TTN: variants seen among roughly 807,000 people sequenced by gnomAD.
TTN encodes the protein titin, also known as connectin.
In TTN, 1,525 loss-of-function variants were observed where a neutral mutation model predicts 3,223.0. That is an observed-to-expected ratio of 0.47 (90% CI 0.45 to 0.49). TTN has a LOEUF of 0.49. Among genes scored for constraint, TTN ranks in the 20% least tolerant of loss-of-function variants. The pLI is 0.00. For missense variants in TTN, 40,786 were observed against 43,424.0 expected, an observed-to-expected ratio of 0.94 and a Z score of 5.40; for synonymous variants, 14,094 against 15,161.0, an observed-to-expected ratio of 0.93 and a Z score of 5.17.
chr2:178,538,488 C>A (rs1692754909), intron 354 of TTN, 52 bp downstream of exon 354: 6 of 1,534,104 alleles, frequency 3.9e-6, no homozygotes, highest in South Asian at 1.3e-5. Context: ...GGGGAATTAG[C>A]CTTAACTTGT....
chr2:178,534,169 T>G lies in TTN; in HGVS notation c.102446A>C (p.Glu34149Ala). ...SGQIMHAVGEEGGHVKYVCKI... is the reference protein window; with the variant it reads ...SGQIMHAVGEAGGHVKYVCKI... Reference sequence around the variant, plus strand: ...GCATACATATTTGACATGTCCTCCTTCTTCACCAACTGCATGCATTATCTG... The same window carrying G: ...GCATACATATTTGACATGTCCTCCTGCTTCACCAACTGCATGCATTATCTG... The change falls in exon 358 of 363, where the codon GAA becomes GCA. Residue 34149 changes from glutamate to alanine, a missense_variant. Coordinates refer to ENST00000589042, the MANE Select transcript of TTN (RefSeq NM_001267550.2). 6.2e-7 allele frequency: 1 copy of G among 1,613,974 alleles called. No individual in the cohort carries two copies. Among genetic ancestry groups the G allele is most frequent in the East Asian group, 2.2e-5 (1 of 44,880 alleles).
In TTN at chr2:178,577,386, C is replaced by G. The variant is rs2046672689; in HGVS notation, c.68949G>C (p.Lys22983Asn). The change falls in exon 324 of 363, where the codon AAG (lysine) becomes AAC (asparagine). Residue 22983 changes from lysine to asparagine, a missense_variant. By Grantham distance (94) the Lys-to-Asn change is moderately conservative (BLOSUM62 0). Coordinates refer to ENST00000589042, the MANE Select transcript of TTN (RefSeq NM_001267550.2). The part of the protein sequence containing the change: ...GKPLPKSSWS[K>N]AGKDIRPSDI... ...CTGATGGTCTAATGTCTTTTCCTGC[C>G]TTGGACCAACTTGATTTTGGAAGGG... 1 of 1,612,722 alleles carries G rather than the reference C, an allele frequency of 6.2e-7. No homozygotes were observed. The highest frequency in any genetic ancestry group is 8.5e-7 in the Non-Finnish European group (1 of 1,179,452).
intron 47 of TTN, chr2:178,751,244 G>A: frequency 6.2e-7 from 1 of 1,608,286 alleles, no homozygotes; most frequent in Non-Finnish European, 8.5e-7. Context: ...ATCTAAAAGA[G>A]ATAATTTCTT....
Position 178,757,850 on chromosome 2 carries a change from T to C in TTN, c.10370A>G (p.Lys3457Arg). 3 of 1,581,648 alleles carry C rather than the reference T, an allele frequency of 1.9e-6. No homozygotes were observed. Among genetic ancestry groups the C allele is most frequent in the Non-Finnish European group, 2.6e-6 (3 of 1,164,900 alleles). Residue 3457 changes from lysine to arginine, a missense_variant, in exon 45 of 363, where the codon AAG (lysine) becomes AGG (arginine). Physicochemically the swap from Lys to Arg is conservative, Grantham distance 26. Coordinates refer to ENST00000589042, the MANE Select transcript of TTN (RefSeq NM_001267550.2). Reference protein sequence around the residue: ...QWHVSLSVSFKKEPLGQKPSF... With the variant: ...QWHVSLSVSFRKEPLGQKPSF... ...GGGCTTTTGGCCAAGGGGCTCCTTCTTAAATGAAACTGATAAAGAGACATG... is the reference window on the plus strand; with the variant it reads ...GGGCTTTTGGCCAAGGGGCTCCTTCCTAAATGAAACTGATAAAGAGACATG...
Position 178,732,477 on chromosome 2 carries a change from A to G in TTN, c.16584T>C (p.Ala5528=). 1 of 1,612,772 alleles carries G rather than the reference A, an allele frequency of 6.2e-7. No homozygotes were observed. Among genetic ancestry groups the G allele is most frequent in the Non-Finnish European group, 8.5e-7 (1 of 1,179,126 alleles). The change falls in exon 56 of 363, where the codon GCT becomes GCC. Residue 5528 remains alanine (A), a synonymous_variant. Transcript: ENST00000589042. ...GTYTCKVSNV[A]GGVECSANLF... is the part of the protein sequence containing the mutation. ...AGTTTGCACTGCATTCCACCCCTCC[A>G]GCGACATTGCTGACTTTACATGTGT...
rs1356044986 is a variant in TTN at position 178,718,978 on chromosome 2, A to G, written c.24227-5T>C. 6.3e-7 allele frequency: 1 copy of G among 1,591,306 alleles called. No homozygotes were observed. Among genetic ancestry groups the G allele is most frequent in the Non-Finnish European group, 8.6e-7 (1 of 1,168,926 alleles). ...TTTGTTCAAAAGATGGTGGTTCTAG[A>G]TATTGCAAGGCGGAAGGGGAGATAA... On this transcript the variant is annotated splice_region_variant and splice_polypyrimidine_tract_variant and intron_variant, in intron 83 of 362. Coordinates refer to ENST00000589042, the MANE Select transcript of TTN (RefSeq NM_001267550.2).
rs2050022624 is a variant in TTN, at chr2:178,590,707, T to C, written c.61018A>G (p.Thr20340Ala). 3.7e-6 allele frequency: 6 copies of C among 1,612,928 alleles called. No individual in the cohort carries two copies. Among genetic ancestry groups the C allele is most frequent in the Middle Eastern group, 1.6e-4 (1 of 6,068 alleles). ...FRVTGLYEGN[T>A]YEFRVFAENL... ...TCAGCAAAAACTCTAAACTCATATGTATTTCCTTCATAGAGTCCAGTCACT... is the reference window on the plus strand; with the variant it reads ...TCAGCAAAAACTCTAAACTCATATGCATTTCCTTCATAGAGTCCAGTCACT... The change falls in exon 304 of 363, where the codon ACA (threonine) becomes GCA (alanine). Residue 20340 changes from threonine to alanine, a missense_variant. By Grantham distance (58) the Thr-to-Ala change is moderately conservative. Coordinates refer to ENST00000589042, the MANE Select transcript of TTN (RefSeq NM_001267550.2).
Position 178,634,779 on chromosome 2 carries a change from C to T in TTN, c.42095G>A (p.Gly14032Asp). The part of the protein sequence containing the change: ...TLHKVKLDQA[G>D]EVLYQALNAI... ...ATTAAGGGCCTGGTAGAGGACTTCA[C>T]CAGCTTGGTCCAGTTTGACTTTGTG... Residue 14032 changes from glycine (G) to aspartate (D), a missense_variant, in exon 229 of 363, where the codon GGT becomes GAT. By Grantham distance (94) the Gly-to-Asp change is moderately conservative. Transcript: ENST00000589042. This position sits in a 1 kb window ranked among gnomAD's most constrained non-coding sequence, Gnocchi z 4.6. 6.2e-7 allele frequency: 1 copy of T among 1,613,148 alleles called. No homozygotes were observed. The highest frequency in any genetic ancestry group is 1.3e-5 in the African/African-American group (1 of 74,960).
In TTN at chr2:178,679,605, C is replaced by A; in HGVS notation, c.33658G>T (p.Ala11220Ser). The change falls in exon 141 of 363, where the codon GCA becomes TCA. Residue 11220 changes from alanine (A) to serine (S), a missense_variant. Physicochemically the swap from Ala to Ser is moderately conservative, Grantham distance 99. Transcript: ENST00000589042. ...TCAATGAATGGTGGTGTACCTTTTGCCGGTGGAGCTTCCTTCTTCTTGGGA... is the reference window on the plus strand; with the variant it reads ...TCAATGAATGGTGGTGTACCTTTTGACGGTGGAGCTTCCTTCTTCTTGGGA... Reference protein sequence around the residue: ...PVPKKKEAPPAKVPEVPKKPE... With the variant: ...PVPKKKEAPPSKVPEVPKKPE... The A allele has an allele frequency of 8.7e-6, 14 of 1,610,092 alleles. No individual in the cohort carries two copies. The highest frequency in any genetic ancestry group is 1.1e-5 in the Non-Finnish European group (13 of 1,178,616).
In TTN at chr2:178,530,887, G is replaced by A. The variant is rs1232768649; in HGVS notation, c.105728C>T (p.Ser35243Phe). The stretch of plus-strand genomic sequence containing the variant: ...TTTTGGAGACTTAACTGCTTCTGGG[G>A]ATTTCACCCGAGGCTCTGGGGATTT... ...RVKSPEPRVKSPEAVKSPKRV... is the reference protein window; with the variant it reads ...RVKSPEPRVKFPEAVKSPKRV... The change falls in exon 358 of 363, where the codon TCC (serine) becomes TTC (phenylalanine). Residue 35243 changes from serine (S) to phenylalanine (F), a missense_variant. Coordinates refer to ENST00000589042, the MANE Select transcript of TTN (RefSeq NM_001267550.2). 1 of 1,613,812 alleles carries A rather than the reference G, an allele frequency of 6.2e-7. No individual in the cohort carries two copies. Among genetic ancestry groups the A allele is most frequent in the South Asian group, 1.1e-5 (1 of 91,070 alleles).
At chr2:178,650,309 A>G (rs1271029010) in intron 209 of TTN, 38 bp from the exon 210 acceptor site, 1 of 1,496,904 alleles carries the variant, frequency 6.7e-7, no homozygotes, top group Non-Finnish European at 9.0e-7. Context: ...CAATGTATGG[A>G]ACAATATTCT....
chr2:178,782,265 T>C lies in TTN; in HGVS notation c.3327A>G (p.Pro1109=), dbSNP rs146977732. The C allele has an allele frequency of 2.5e-6, 4 of 1,614,030 alleles. No homozygotes were observed. The highest frequency in any genetic ancestry group is 1.3e-5 in the African/African-American group (1 of 74,924). The stretch of plus-strand genomic sequence containing the variant: ...ATTTTTTCCAGTATACATGGGGCTT[T>C]GGGTTGCCGCCAACTTGGCATCCAA... ...VVFGCQVGGN[P]KPHVYWKKSG... Residue 1109 remains proline (P), a synonymous_variant, in exon 20 of 363, where the codon CCA becomes CCG. Coordinates refer to ENST00000589042, the MANE Select transcript of TTN (RefSeq NM_001267550.2).
chr2:178,618,024 G>T lies in TTN; in HGVS notation c.47327C>A (p.Ser15776Ter). The T allele has an allele frequency of 6.2e-7, 1 of 1,612,504 alleles. No individual in the cohort carries two copies. The highest frequency in any genetic ancestry group is 1.7e-5 in the Admixed American group (1 of 59,872). ...TITDVNRFGV[S>*]LTWEPPEYDG... is the part of the protein sequence containing the mutation. ...ATACTCTGGTGGTTCCCATGTCAGT[G>T]AGACACCAAATCGATTCACATCAGT... is the stretch of plus-strand genomic sequence containing the variant. Residue 15776 changes from serine to a stop codon, truncating the protein, a stop_gained, in exon 253 of 363, where the codon TCA becomes TAA. Transcript: ENST00000589042. LOFTEE classifies it high-confidence loss of function.
At position 178,704,860 on chromosome 2, in the gene TTN, A is replaced by G; in HGVS notation, c.29694+17T>C. 1.9e-6 allele frequency: 3 copies of G among 1,610,824 alleles called. No homozygotes were observed. The highest frequency in any genetic ancestry group is 2.5e-6 in the Non-Finnish European group (3 of 1,179,024). ...ATAATAACTTGTTCATTTTATTATC[A>G]ACATAATTCTTTTTACCTCTGTCTG... On this transcript the variant is annotated intron_variant, in intron 104 of 362. Coordinates refer to ENST00000589042, the MANE Select transcript of TTN (RefSeq NM_001267550.2).
rs776932497 is a variant in TTN at position 178,618,434 on chromosome 2, C to T, written c.47024G>A (p.Ser15675Asn). 1 of 1,612,474 alleles carries T rather than the reference C, an allele frequency of 6.2e-7. No homozygotes were observed. Among genetic ancestry groups the T allele is most frequent in the South Asian group, 1.1e-5 (1 of 91,048 alleles). ...AGTTAAAGGTTCTTCCCAAGCAAGG[C>T]TCACTTCACCATCAAATGTTTCTGT... ...EVTETFDGEVSLAWEEPLTDG... is the reference protein window; with the variant it reads ...EVTETFDGEVNLAWEEPLTDG... The change falls in exon 252 of 363, where the codon AGC becomes AAC. Residue 15675 changes from serine (S) to asparagine (N), a missense_variant. Transcript: ENST00000589042.
Position 178,601,811 on chromosome 2 carries a change from T to C in TTN, c.55303-24A>G, listed in dbSNP as rs72646821. ...AGCTGTACAAAGAAAATAGTAGTCA[T>C]ACATTGAATGAAATCATAGCAATAT... On this transcript the variant is annotated intron_variant, in intron 285 of 362. Coordinates refer to ENST00000589042, the MANE Select transcript of TTN (RefSeq NM_001267550.2). The C allele has an allele frequency of 1.2e-3, 1,957 of 1,603,608 alleles. 3 individuals carry two copies. Among genetic ancestry groups the C allele is most frequent in the Non-Finnish European group, 1.5e-3 (1,800 of 1,176,236 alleles).
At chr2:178,578,251 C>T in intron 321 of TTN, 66 bp from the exon 322 acceptor site, 1 of 1,384,768 alleles carries the variant, frequency 7.2e-7, no homozygotes, top group Non-Finnish European at 9.9e-7. Flanking sequence ...TATGTGTTGC[C>T]CAAATTATTT....
At position 178,555,671 on chromosome 2, in the gene TTN, G is replaced by C. The variant is rs142906580; in HGVS notation, c.88307-519C>G. 3 of 155,736 alleles carry C rather than the reference G, an allele frequency of 1.9e-5. No individual in the cohort carries two copies. The Admixed American group carries it at 2.0e-4, about 10-fold the overall frequency. 9.6% of individuals were successfully genotyped at this position (155,736 alleles called of 1,614,324 possible). A position where few individuals can be genotyped will look rare whatever the true frequency, so the allele number is the denominator to read the frequency against. On this transcript the variant is annotated intron_variant, in intron 330 of 362. Transcript: ENST00000589042. The stretch of plus-strand genomic sequence containing the variant: ...ATTATCAAGAAAGATAACTAAATTC[G>C]ACTTGCTTTATACTCTCATAAACAC...
chr2:178,770,528 A>T lies in TTN; in HGVS notation c.8264T>A (p.Ile2755Asn), dbSNP rs2091308831. The part of the protein sequence containing the change: ...VVLESNEKYA[I>N]SVKGTIYSLR... ...AGAGTAAATTGTTCCTTTGACAGAG[A>T]TAGCATACTTTTCATTGGATTCCAG... Residue 2755 changes from isoleucine (I) to asparagine (N), a missense_variant, in exon 35 of 363, where the codon ATC becomes AAC. Coordinates refer to ENST00000589042, the MANE Select transcript of TTN (RefSeq NM_001267550.2). The T allele has an allele frequency of 1.9e-6, 3 of 1,614,046 alleles. No homozygotes were observed. The highest frequency in any genetic ancestry group is 1.7e-5 in the Admixed American group (1 of 59,986).
Sources: allele counts gnomAD v4.1 joint callset, GRCh38; gene constraint gnomAD v4.1.1; non-coding constraint Gnocchi (gnomAD v3.1); transcripts MANE v1.5; gene names NCBI Gene and HGNC (gene_info 2026-07-23, HGNC 2026-07-21).